Variants in CDH13 observed in about 807,000 individuals in gnomAD.
CDH13 encodes cadherin-13.
A neutral mutation model predicts 63.8 loss-of-function variants in CDH13; 24 were observed. The ratio of observed to expected loss-of-function variants is 0.38; its 90% CI spans 0.27 to 0.53. CDH13 has a LOEUF of 0.53. CDH13 is among the 20% of genes least tolerant of loss of function. CDH13 has a pLI of 0.85. For synonymous variants in CDH13, 503 were observed against 355.3 expected, an observed-to-expected ratio of 1.42 and a Z score of -4.67; for missense variants, 1,049 against 903.1, an observed-to-expected ratio of 1.16 and a Z score of -2.07.
intron 11 of CDH13, among the ~76,000 whole-genome samples, chr16:83,757,657 A>G (rs780389479): frequency 2.6e-5 from 4 of 152,196 alleles, no homozygotes; most frequent in Non-Finnish European, 5.9e-5. Context: ...GTAAACTCAT[A>G]TCGAAACTGT....
intron 2 of CDH13, among the ~76,000 whole-genome samples, chr16:82,945,894 C>G (rs1904660445): frequency 1.3e-5 from 2 of 152,142 alleles, no homozygotes; most frequent in African/African-American, 4.8e-5. Flanking sequence ...TAGGGACACT[C>G]TCAGTTCCTT....
chr16:83,578,200 G>A lies in CDH13; in HGVS notation c.961-24254G>A, dbSNP rs577308162. On this transcript the variant is annotated intron_variant, in intron 7 of 13. Transcript: ENST00000567109. ...AATGGTACCCGGGTGAAAATATATCGCTGGCTAGCCATTCCTGGAGCAGGA... is the reference window on the plus strand; with the variant it reads ...AATGGTACCCGGGTGAAAATATATCACTGGCTAGCCATTCCTGGAGCAGGA... 6.6e-5 allele frequency among the ~76,000 whole-genome samples: 10 copies of A among 152,232 alleles called. No individual in the cohort carries two copies. In the South Asian group the frequency reaches 1.2e-3, roughly 19 times the overall value.
intron 2 of CDH13, among the ~76,000 whole-genome samples, chr16:82,881,074 C>T (rs893930935): frequency 6.6e-6 from 1 of 152,138 alleles, no homozygotes; most frequent in Non-Finnish European, 1.5e-5. Flanking sequence ...TTATAACATT[C>T]ATTTTCAGTG....
At chr16:83,067,193 A>G (rs957796489) in intron 3 of CDH13, among the ~76,000 whole-genome samples, 1 of 152,128 alleles carries the variant, frequency 6.6e-6, no homozygotes, top group Non-Finnish European at 1.5e-5. Flanking sequence ...TTCTCTTCCT[A>G]TCAAATCTTT....
At position 83,799,171 on chromosome 16, in the gene CDH13, G is replaced by C. The variant is rs1352359755; in HGVS notation, c.*4141G>C. 6.6e-6 allele frequency: 1 copy of C among 151,902 alleles called. No homozygotes were observed. Among genetic ancestry groups the C allele is most frequent in the Non-Finnish European group, 1.5e-5 (1 of 68,046 alleles). The allele number at this position is 151,902 out of a possible 1,614,324, so 9.4% of individuals were successfully genotyped here. On this transcript the variant is annotated 3_prime_UTR_variant, in exon 14 of 14. Coordinates refer to ENST00000567109, the MANE Select transcript of CDH13 (RefSeq NM_001257.5). ...TACTAAAAAATACAAAAATTAGCTG[G>C]GTGTGGTGGTGCACACCTGAAACCC...
At chr16:83,759,854 G>T (rs997526453) in intron 11 of CDH13, among the ~76,000 whole-genome samples, 1 of 151,506 alleles carries the variant, frequency 6.6e-6, no homozygotes, top group Non-Finnish European at 1.5e-5. Flanking sequence ...CTTGAGCCCA[G>T]GAGTTCAAGG....
chr16:83,071,110 A>G (rs1050011241), intron 3 of CDH13, among the ~76,000 whole-genome samples: 1 of 152,098 alleles, frequency 6.6e-6, no homozygotes, highest in Admixed American at 6.5e-5. Flanking sequence ...ATTGATCATA[A>G]TAATGTATAG....
At chr16:83,140,951 C>T (rs935321283) in intron 4 of CDH13, among the ~76,000 whole-genome samples, 1 of 152,206 alleles carries the variant, frequency 6.6e-6, no homozygotes, top group Non-Finnish European at 1.5e-5. Flanking sequence ...TTATCTTGGT[C>T]TATTGATGCA....
chr16:82,977,574 C>A (rs891934775), intron 2 of CDH13, among the ~76,000 whole-genome samples: 1 of 152,146 alleles, frequency 6.6e-6, no homozygotes. Flanking sequence ...GTTTGTTTCC[C>A]CATCCACCAT....
At chr16:82,998,889 G>A (rs1199649310) in intron 2 of CDH13, among the ~76,000 whole-genome samples, 1 of 118,072 alleles carries the variant, frequency 8.5e-6, no homozygotes, top group African/African-American at 3.5e-5. Context: ...TGCAGATACT[G>A]CCCCTTCTCA....
intron 6 of CDH13, among the ~76,000 whole-genome samples, chr16:83,475,939 T>G (rs1341219121): frequency 4.6e-5 from 7 of 152,148 alleles, no homozygotes; most frequent in African/African-American, 1.4e-4. Context: ...TAAATAGATA[T>G]AAATGATAGC....
At chr16:82,798,076 C>T (rs750781890) in intron 1 of CDH13, among the ~76,000 whole-genome samples, 3 of 152,056 alleles carry the variant, frequency 2.0e-5, no homozygotes, top group Non-Finnish European at 4.4e-5. Flanking sequence ...GATGACTAAA[C>T]TAAAGGTAAA....
At chr16:83,402,732 A>G (rs751870056) in intron 6 of CDH13, among the ~76,000 whole-genome samples, 19 of 152,208 alleles carry the variant, frequency 1.2e-4, no homozygotes, top group Non-Finnish European at 2.6e-4. Flanking sequence ...ATCTGGCAGA[A>G]AGTCAAAAGT....
At chr16:83,548,275 G>T (rs2075426243) in intron 7 of CDH13, among the ~76,000 whole-genome samples, 1 of 152,190 alleles carries the variant, frequency 6.6e-6, no homozygotes, top group Non-Finnish European at 1.5e-5. Context: ...AGGGACAGTT[G>T]TGTCTTCCAA....
chr16:82,914,801 C>T (rs2041935514), intron 2 of CDH13, among the ~76,000 whole-genome samples: 1 of 152,182 alleles, frequency 6.6e-6, no homozygotes, highest in Non-Finnish European at 1.5e-5. Flanking sequence ...GTGTTCTCTA[C>T]TACAAAATCG....
At chr16:82,876,645 A>T (rs1179053736) in intron 2 of CDH13, among the ~76,000 whole-genome samples, 1 of 152,204 alleles carries the variant, frequency 6.6e-6, no homozygotes, top group Non-Finnish European at 1.5e-5. Flanking sequence ...TAGTGTTAAG[A>T]TAGGAATAAC....
At chr16:82,877,567 C>T (rs1164559697) in intron 2 of CDH13, among the ~76,000 whole-genome samples, 1 of 152,148 alleles carries the variant, frequency 6.6e-6, no homozygotes, top group Non-Finnish European at 1.5e-5. Context: ...AGAGTGGTAA[C>T]AGCAATGCAA....
intron 7 of CDH13, among the ~76,000 whole-genome samples, chr16:83,586,359 G>C (rs1598332744): frequency 6.6e-6 from 1 of 152,222 alleles, no homozygotes; most frequent in Non-Finnish European, 1.5e-5. Flanking sequence ...TGGCTCTGGA[G>C]GAGGGGCGGA....
intron 1 of CDH13, among the ~76,000 whole-genome samples, chr16:82,730,961 TATTTTACTAC>T (rs887478610): frequency 1.3e-5 from 2 of 152,226 alleles, no homozygotes; most frequent in African/African-American, 4.8e-5. Context: ...ATTTCCTGAT[TATTTTACTAC>T]ATTTTACTAT....
Sources: allele counts gnomAD v4.1 joint callset (sites outside exome capture counted in the v4.1 genomes callset), GRCh38; gene constraint gnomAD v4.1.1; transcripts MANE v1.5; gene names NCBI Gene and HGNC (gene_info 2026-07-23, HGNC 2026-07-21).